Variants in SDK1 observed in about 807,000 individuals in gnomAD.
The protein encoded by SDK1 is protein sidekick-1.
In SDK1, 157 loss-of-function variants were observed where a neutral mutation model predicts 245.5. That is an observed-to-expected ratio of 0.64 (90% CI 0.56 to 0.73). The LOEUF (loss-of-function observed/expected upper bound fraction) is 0.73, where lower values mean the gene tolerates loss of function less well. SDK1 is among the 30% of genes least tolerant of loss of function. The pLI, the probability that SDK1 is intolerant of heterozygous loss-of-function variation, is 0.00. For missense variants in SDK1, 3,583 were observed against 3,002.3 expected (o/e 1.19, Z -4.52); for synonymous variants, 1,647 against 1,278.5 (o/e 1.29, Z -6.15).
chr7:4,021,622 T>C (rs889597226), intron 17 of SDK1, among the ~76,000 whole-genome samples: 13 of 152,172 alleles, frequency 8.5e-5, no homozygotes, highest in African/African-American at 2.9e-4. Context: ...GTGCCAGCCA[T>C]TGCGTCCCCA....
At chr7:3,633,664 G>A (rs764847079) in intron 2 of SDK1, among the ~76,000 whole-genome samples, 3 of 152,168 alleles carry the variant, frequency 2.0e-5, no homozygotes, top group East Asian at 1.9e-4. Context: ...TGCTATGACC[G>A]TGGTGAGCAC....
At chr7:3,714,867 A>G (rs1005303031) in intron 4 of SDK1, among the ~76,000 whole-genome samples, 1 of 152,208 alleles carries the variant, frequency 6.6e-6, no homozygotes, top group African/African-American at 2.4e-5. Context: ...GCAAATTACA[A>G]TGAAATTAAT....
chr7:3,619,462 G>A (rs1781867776), intron 2 of SDK1, among the ~76,000 whole-genome samples: 1 of 152,158 alleles, frequency 6.6e-6, no homozygotes, highest in Non-Finnish European at 1.5e-5. Flanking sequence ...GTAAAAGTAA[G>A]CCCATTAGTG....
chr7:3,387,111 A>G (rs1408682450), intron 1 of SDK1, among the ~76,000 whole-genome samples: 2 of 152,156 alleles, frequency 1.3e-5, no homozygotes, highest in Non-Finnish European at 2.9e-5. Flanking sequence ...ACCAGCCCCA[A>G]GTTGGTGTGC....
At chr7:3,748,830 G>A (rs564786375) in intron 4 of SDK1, among the ~76,000 whole-genome samples, 4 of 152,236 alleles carry the variant, frequency 2.6e-5, no homozygotes, top group East Asian at 1.9e-4. Context: ...TTCAGGTACC[G>A]AATGCTTTTG....
chr7:3,539,255 G>T (rs1158023610), intron 1 of SDK1, among the ~76,000 whole-genome samples: 2 of 152,136 alleles, frequency 1.3e-5, no homozygotes, highest in East Asian at 3.9e-4. Flanking sequence ...ACTTTTTCCA[G>T]TTGCTGCTTA....
chr7:3,626,006 TA>T (rs1191340457), intron 2 of SDK1, among the ~76,000 whole-genome samples: 1 of 149,048 alleles, frequency 6.7e-6, no homozygotes, highest in African/African-American at 2.5e-5. Flanking sequence ...TGTAGTAGTG[TA>T]ATCATAGCTC....
chr7:3,337,845 AAAC>A (rs1015445043), intron 1 of SDK1: 15 of 152,202 alleles, frequency 9.9e-5, no homozygotes, highest in African/African-American at 3.6e-4. Flanking sequence ...GCATGAAGGA[AAAC>A]AAGTTGTGGT....
At chr7:4,192,275 G>C (rs934553849) in intron 35 of SDK1, among the ~76,000 whole-genome samples, 4 of 150,694 alleles carry the variant, frequency 2.7e-5, no homozygotes, top group Non-Finnish European at 5.9e-5. Flanking sequence ...CAGATTTTTT[G>C]TTTGTTTCTT....
At chr7:3,344,404 G>A (rs756257668) in intron 1 of SDK1, among the ~76,000 whole-genome samples, 4 of 152,116 alleles carry the variant, frequency 2.6e-5, no homozygotes, top group East Asian at 1.9e-4. Flanking sequence ...TTTTTTTCTC[G>A]TTAGTTGTAT....
In SDK1 at chr7:3,376,389, G is replaced by C. The variant is rs149182312; in HGVS notation, c.298+74505G>C. Among the ~76,000 whole-genome samples the C allele has an allele frequency of 2.9e-4, 44 of 152,162 alleles. No individual in the cohort carries two copies. In the East Asian group the frequency reaches 5.0e-3, roughly 17 times the overall value. ...AGGGTGAAAGATAAACCACCAATTAGGAAGATTTGAGCAACCTGTATTACA... is the reference window on the plus strand; with the variant it reads ...AGGGTGAAAGATAAACCACCAATTACGAAGATTTGAGCAACCTGTATTACA... On this transcript the variant is annotated intron_variant, in intron 1 of 44. Transcript: ENST00000404826.
chr7:3,625,927 T>G (rs933477973), intron 2 of SDK1, among the ~76,000 whole-genome samples: 2 of 131,472 alleles, frequency 1.5e-5, no homozygotes, highest in Non-Finnish European at 3.2e-5. Context: ...GGATTTTTCT[T>G]TCTTTCTTTT....
rs370678182 is a variant in SDK1, at chr7:3,962,862, C to T, written c.1429+11C>T. The T allele has an allele frequency of 4.9e-4, 791 of 1,604,550 alleles. 15 individuals carry two copies. In the South Asian group the frequency reaches 7.9e-3, roughly 16 times the overall value. On this transcript the variant is annotated intron_variant, in intron 9 of 44. Coordinates refer to ENST00000404826, the MANE Select transcript of SDK1 (RefSeq NM_152744.4). ...ACCTGGATGTAACCAGTGAGTACACCCAGGCCCACAGCTACCTGACCTGGA... is the reference window on the plus strand; with the variant it reads ...ACCTGGATGTAACCAGTGAGTACACTCAGGCCCACAGCTACCTGACCTGGA...
intron 25 of SDK1, among the ~76,000 whole-genome samples, chr7:4,121,187 CTG>C (rs1291952296): frequency 1.3e-5 from 2 of 152,126 alleles, no homozygotes; most frequent in Admixed American, 6.5e-5. Flanking sequence ...GTAGATGCTA[CTG>C]TGTTTTAATT....
At chr7:3,707,257 G>A (rs1182791210) in intron 4 of SDK1, among the ~76,000 whole-genome samples, 2 of 152,096 alleles carry the variant, frequency 1.3e-5, no homozygotes. Flanking sequence ...TTGTGTCACT[G>A]TTATTTATTT....
intron 31 of SDK1, among the ~76,000 whole-genome samples, chr7:4,160,032 C>T (rs545838867): frequency 2.6e-5 from 4 of 152,322 alleles, no homozygotes; most frequent in South Asian, 2.1e-4. Context: ...GCAAATACTG[C>T]ACCACTTTAT....
chr7:4,184,835 C>T (rs1458343885), intron 35 of SDK1, among the ~76,000 whole-genome samples: 1 of 152,194 alleles, frequency 6.6e-6, no homozygotes, highest in Non-Finnish European at 1.5e-5. Flanking sequence ...CAGCTTCAGG[C>T]ATGGCTGGAT....
intron 4 of SDK1, among the ~76,000 whole-genome samples, chr7:3,693,849 G>C (rs1368003455): frequency 6.6e-6 from 1 of 151,962 alleles, no homozygotes; most frequent in East Asian, 1.9e-4. Flanking sequence ...GTGAACACCT[G>C]GTCCCCGCAG....
At chr7:3,816,257 G>T (rs895178330) in intron 4 of SDK1, among the ~76,000 whole-genome samples, 9 of 151,964 alleles carry the variant, frequency 5.9e-5, no homozygotes, top group Non-Finnish European at 1.2e-4. Context: ...GAGCAGAACT[G>T]AAGGAAAGAG....
Sources: gnomAD v4.1 joint callset for allele counts (sites outside exome capture counted in the v4.1 genomes callset) on GRCh38, gnomAD v4.1.1 for gene constraint, MANE v1.5 for transcripts, NCBI Gene and HGNC (gene_info 2026-07-23, HGNC 2026-07-21) for gene names.